ANOS1: variants seen among roughly 807,000 people sequenced by gnomAD.
The protein encoded by ANOS1 is anosmin 1, also known as anosmin-1.
Under a neutral mutation model 59.0 loss-of-function variants are expected in ANOS1, and 6 were observed. The observed-to-expected ratio is 0.10, with a 90% confidence interval of 0.06 to 0.20. The LOEUF (loss-of-function observed/expected upper bound fraction) is 0.20. Among genes scored for constraint, ANOS1 ranks in the 10% least tolerant of loss-of-function variants. The probability of loss-of-function intolerance (pLI) is 1.00; values close to 1 mark genes in which losing one functional copy is unlikely to be tolerated. For synonymous variants in ANOS1, 217 were observed against 223.4 expected (o/e 0.97, Z 0.25); for missense variants, 433 against 542.3 (o/e 0.80, Z 2.00).
chrX:8,610,006 C>CAAAAAAAAAAAAAAAAAAAAAAAAA (rs1167209336), intron 3 of ANOS1, among the ~76,000 whole-genome samples: 1 of 9,160 alleles, frequency 1.1e-4, no homozygotes, highest in African/African-American at 2.2e-4. Flanking sequence ...GACTCCATCT[C>CAAAAAAAAAAAAAAAAAAAAAAAAA]AAAAAAAAAA....
At chrX:8,645,493 C>T (rs779898988) in intron 2 of ANOS1, among the ~76,000 whole-genome samples, 1 of 112,444 alleles carries the variant, frequency 8.9e-6, no homozygotes, top group East Asian at 2.8e-4. Context: ...GTAGATTTAC[C>T]TGTCTGGACT....
chrX:8,700,939 G>C (rs761267016), intron 1 of ANOS1, among the ~76,000 whole-genome samples: 1 of 111,874 alleles, frequency 8.9e-6, no homozygotes, highest in Non-Finnish European at 1.9e-5. Context: ...AACCTAGGAG[G>C]AGGAGGTTGC....
At chrX:8,727,738 C>T (rs1037153337) in intron 1 of ANOS1, among the ~76,000 whole-genome samples, 86 of 112,368 alleles carry the variant, frequency 7.7e-4, no homozygotes, top group African/African-American at 2.7e-3. Context: ...GTTCCCTGGG[C>T]ACACCCCAAA....
At chrX:8,668,120 GGT>G (rs1932184992) in intron 2 of ANOS1, among the ~76,000 whole-genome samples, 5 of 107,517 alleles carry the variant, frequency 4.7e-5, no homozygotes, top group African/African-American at 1.7e-4. Flanking sequence ...GTGAGATTTT[GGT>G]GCACCCATCA....
At position 8,554,120 on chromosome X, in the gene ANOS1, T is replaced by G. The variant is rs779885415; in HGVS notation, c.1208-22A>C. ...TCTTCTACAACAAAGTACAACATTC[T>G]AAGTTACTTGTTAAAAGTAATTATA... On this transcript the variant is annotated intron_variant, in intron 8 of 13. Coordinates refer to ENST00000262648, the MANE Select transcript of ANOS1 (RefSeq NM_000216.4). 2.0e-5 allele frequency: 23 copies of G among 1,171,948 alleles called. 1 individual carries two copies. In the East Asian group the frequency reaches 6.9e-4, roughly 35 times the overall value.
At chrX:8,579,914 C>T (rs769058741) in intron 6 of ANOS1, among the ~76,000 whole-genome samples, 6 of 112,041 alleles carry the variant, frequency 5.4e-5, no homozygotes, top group Non-Finnish European at 1.1e-4. Context: ...CCCTGTCCTA[C>T]TTCCCTTCCT....
At chrX:8,558,697 C>T (rs1310509393) in intron 8 of ANOS1, among the ~76,000 whole-genome samples, 1 of 111,397 alleles carries the variant, frequency 9.0e-6, no homozygotes, top group East Asian at 2.8e-4. Context: ...GAGCATTATA[C>T]ATCAATACTT....
chrX:8,594,909 G>A (rs1422758491), intron 4 of ANOS1, among the ~76,000 whole-genome samples: 6 of 105,429 alleles, frequency 5.7e-5, no homozygotes, highest in Admixed American at 3.2e-4. Flanking sequence ...TAAGTTAAGA[G>A]CTAATTTGTA....
Position 8,536,793 on chromosome X carries a change from A to G in ANOS1, c.1599T>C (p.Pro533=), listed in dbSNP as rs1929602473. The G allele has an allele frequency of 6.6e-6, 8 of 1,209,056 alleles. No individual in the cohort carries two copies. The East Asian group carries it at 1.5e-4, about 22-fold the overall frequency. The stretch of plus-strand genomic sequence containing the variant: ...TACCTGCTTCGCCCAGGCAGCCAAC[A>G]GGCTTGTGGCTCTTCCCCTTAAGAG... ...CSALKGKSHK[P]VGCLGEAGHV... The change falls in exon 11 of 14, where the codon CCT becomes CCC. Residue 533 remains proline, a synonymous_variant. Transcript: ENST00000262648.
At chrX:8,590,360 G>C (rs1324734696) in intron 4 of ANOS1, among the ~76,000 whole-genome samples, 3 of 111,375 alleles carry the variant, frequency 2.7e-5, no homozygotes, top group African/African-American at 9.8e-5. Flanking sequence ...TTGTTTGTTT[G>C]TTTGTTTTCA....
intron 6 of ANOS1, among the ~76,000 whole-genome samples, chrX:8,572,444 T>C: frequency 9.0e-6 from 1 of 111,641 alleles, no homozygotes; most frequent in Non-Finnish European, 1.9e-5. Context: ...TCCATCCATG[T>C]CCCTGCAAAG....
At chrX:8,598,210 T>C (rs976735931) in intron 3 of ANOS1, among the ~76,000 whole-genome samples, 1 of 112,053 alleles carries the variant, frequency 8.9e-6, no homozygotes, top group Admixed American at 9.5e-5. Context: ...TGTGACACAG[T>C]TGGGGTCTGA....
chrX:8,540,374 G>A (rs950057668), intron 9 of ANOS1, among the ~76,000 whole-genome samples: 1 of 111,162 alleles, frequency 9.0e-6, no homozygotes, highest in Non-Finnish European at 1.9e-5. Flanking sequence ...CAAGCGCATC[G>A]TGGCATTTCT....
chrX:8,537,208 C>T (rs1450225613), intron 10 of ANOS1, among the ~76,000 whole-genome samples: 1 of 111,507 alleles, frequency 9.0e-6, no homozygotes, highest in African/African-American at 3.3e-5. Context: ...CTTCTAAGGT[C>T]GCAATCAGCA....
chrX:8,728,610 G>A (rs910923049), intron 1 of ANOS1, among the ~76,000 whole-genome samples: 2 of 111,878 alleles, frequency 1.8e-5, no homozygotes, highest in East Asian at 5.7e-4. Flanking sequence ...CCGCACATAT[G>A]TATTCTACTT....
At chrX:8,679,814 C>A (rs1365369327) in intron 2 of ANOS1, among the ~76,000 whole-genome samples, 1 of 111,388 alleles carries the variant, frequency 9.0e-6, no homozygotes, top group Non-Finnish European at 1.9e-5. Flanking sequence ...TTTCCAACAA[C>A]GTCTCAGGTG....
rs113099737 is a variant in ANOS1, at chrX:8,623,750, GT to G, written c.256-81del. 3,392 of 797,027 alleles carry G rather than the reference GT, an allele frequency of 4.3e-3. 65 individuals carry two copies. In the African/African-American group the frequency reaches 0.059, roughly 14 times the overall value. 65.7% of individuals were successfully genotyped at this position (797,027 alleles called of 1,213,427 possible). ...AGGAAAAAAGAATTCACCTGTGATT[GT>G]TGCTTTTTCAATGCCTGTTTATTCT... On this transcript the variant is annotated intron_variant, in intron 2 of 13. Transcript: ENST00000262648.
At chrX:8,725,103 A>G (rs1932901250) in intron 1 of ANOS1, among the ~76,000 whole-genome samples, 1 of 111,860 alleles carries the variant, frequency 8.9e-6, no homozygotes, top group African/African-American at 3.3e-5. Flanking sequence ...CTGCAAAGAG[A>G]CATTTTCAGT....
chrX:8,620,309 C>A (rs767328165), intron 3 of ANOS1, among the ~76,000 whole-genome samples: 2 of 111,861 alleles, frequency 1.8e-5, no homozygotes, highest in Non-Finnish European at 3.8e-5. Flanking sequence ...GTTTGCCTTG[C>A]GAGTCATGGT....
Sources: gnomAD v4.1 joint callset for allele counts (sites outside exome capture counted in the v4.1 genomes callset) on GRCh38, gnomAD v4.1.1 for gene constraint, MANE v1.5 for transcripts, NCBI Gene and HGNC (gene_info 2026-07-23, HGNC 2026-07-21) for gene names.